EPHA4: variants seen among roughly 807,000 people sequenced by gnomAD.
The protein encoded by EPHA4 is ephrin type-A receptor 4.
Under a neutral mutation model 108.3 loss-of-function variants are expected in EPHA4, and 19 were observed. The observed-to-expected ratio is 0.18, with a 90% CI of 0.12 to 0.26. The LOEUF (loss-of-function observed/expected upper bound fraction) is 0.26, where lower values mean the gene tolerates loss of function less well. Among genes scored for constraint, EPHA4 ranks in the 10% least tolerant of loss-of-function variants. The pLI is 1.00. For missense variants in EPHA4, 917 were observed against 1,254.0 expected (o/e 0.73, Z 4.06); for synonymous variants, 449 against 455.5 (o/e 0.99, Z 0.18).
chr2:221,563,654 A>G, intron 3 of EPHA4, 77 bp downstream of exon 3: 2 of 1,513,846 alleles, frequency 1.3e-6, no homozygotes, highest in South Asian at 2.5e-5. Flanking sequence ...TACTGGCTTT[A>G]CTCCATTTAG....
chr2:221,470,644 T>TC, intron 5 of EPHA4, among the ~76,000 whole-genome samples: 12 of 151,542 alleles, frequency 7.9e-5, no homozygotes, highest in African/African-American at 1.2e-4. Flanking sequence ...TTAGGGAACC[T>TC]TTTTTATAAA....
chr2:221,455,792 C>T lies in EPHA4; in HGVS notation c.1604-134G>A. 3 of 673,482 alleles carry T rather than the reference C, an allele frequency of 4.5e-6. No homozygotes were observed. The South Asian group carries it at 5.8e-5, about 13-fold the overall frequency. The allele number at this position is 673,482 out of a possible 1,614,324, so 41.7% of individuals were successfully genotyped here. On this transcript the variant is annotated intron_variant, in intron 7 of 17. Coordinates refer to ENST00000281821, the MANE Select transcript of EPHA4 (RefSeq NM_004438.5). ...CACTTGAACATTTCAGAAAGGGCAG[C>T]AGTTTTGAATGTACCTCCTTCCCCG...
chr2:221,442,806 T>C, intron 11 of EPHA4, 23 bp downstream of exon 11: 1 of 1,611,578 alleles, frequency 6.2e-7, no homozygotes, highest in Non-Finnish European at 8.5e-7. Context: ...AGCTTGGCTT[T>C]GTAAAGGGGG....
intron 8 of EPHA4, among the ~76,000 whole-genome samples, chr2:221,447,802 A>C (rs745604324): frequency 7.7e-6 from 1 of 130,602 alleles, no homozygotes; most frequent in Non-Finnish European, 1.7e-5. Context: ...CTTTGCATTT[A>C]ACTTTTCAAA....
chr2:221,534,125 G>T (rs1331926686), intron 3 of EPHA4, among the ~76,000 whole-genome samples: 1 of 152,208 alleles, frequency 6.6e-6, no homozygotes, highest in Non-Finnish European at 1.5e-5. Context: ...TCTCTTGAAG[G>T]ATAACAGATG....
At chr2:221,427,453 T>A (rs1195249304) in intron 15 of EPHA4, among the ~76,000 whole-genome samples, 3 of 152,200 alleles carry the variant, frequency 2.0e-5, no homozygotes, top group Non-Finnish European at 4.4e-5. Context: ...TAAAAAATCA[T>A]TTACTAATAA....
intron 3 of EPHA4, among the ~76,000 whole-genome samples, chr2:221,531,747 T>C (rs1258659669): frequency 6.6e-6 from 1 of 152,208 alleles, no homozygotes; most frequent in Admixed American, 6.5e-5. Context: ...TTTCTATGTA[T>C]CTAGATATAG....
At chr2:221,432,818 ATT>A (rs34200694) in intron 14 of EPHA4, among the ~76,000 whole-genome samples, 161 of 89,082 alleles carry the variant, frequency 1.8e-3, no homozygotes, top group African/African-American at 6.5e-3. Flanking sequence ...AAATCTTTGT[ATT>A]TTTTTTTTTT....
intron 5 of EPHA4, among the ~76,000 whole-genome samples, chr2:221,473,390 T>C (rs1691551867): frequency 6.6e-6 from 1 of 152,090 alleles, no homozygotes; most frequent in Non-Finnish European, 1.5e-5. Context: ...TCTTATTGTA[T>C]ACCCACATCA....
Position 221,459,348 on chromosome 2 carries a change from A to G in EPHA4, c.1319-1358T>C, listed in dbSNP as rs149696351. Among the ~76,000 whole-genome samples, 1,022 of 150,140 alleles carry G rather than the reference A, an allele frequency of 6.8e-3. 12 individuals carry two copies. The highest frequency in any genetic ancestry group is 0.024 in the African/African-American group (973 of 40,738). ...TTTCCTCTCTCTCAGTCCCAAAGCT[A>G]TTCCAGATTGGATCTCAGGCAAAAA... On this transcript the variant is annotated intron_variant, in intron 5 of 17. Coordinates refer to ENST00000281821, the MANE Select transcript of EPHA4 (RefSeq NM_004438.5).
At chr2:221,534,822 A>C (rs1196525920) in intron 3 of EPHA4, among the ~76,000 whole-genome samples, 3 of 152,168 alleles carry the variant, frequency 2.0e-5, no homozygotes, top group Admixed American at 6.5e-5. Flanking sequence ...GGGGGAAAAA[A>C]GGTAAATAAC....
At chr2:221,552,467 C>T (rs1009849863) in intron 3 of EPHA4, among the ~76,000 whole-genome samples, 7 of 152,148 alleles carry the variant, frequency 4.6e-5, no homozygotes, top group Admixed American at 3.3e-4. Context: ...CTTGAAGCCT[C>T]CTGGCACCTC....
At chr2:221,471,352 C>T (rs537989422) in intron 5 of EPHA4, among the ~76,000 whole-genome samples, 135 of 152,080 alleles carry the variant, frequency 8.9e-4, no homozygotes, top group Non-Finnish European at 1.7e-3. Flanking sequence ...TAACTGGCTC[C>T]ACCCAAAGAA....
intron 4 of EPHA4, among the ~76,000 whole-genome samples, chr2:221,497,873 C>T (rs1365870121): frequency 6.6e-6 from 1 of 152,200 alleles, no homozygotes; most frequent in Non-Finnish European, 1.5e-5. Flanking sequence ...GCCTTCCTTC[C>T]CTTCACCTTG....
At chr2:221,482,280 T>A (rs1691842972) in intron 5 of EPHA4, 72 bp downstream of exon 5, 2 of 1,303,242 alleles carry the variant, frequency 1.5e-6, no homozygotes. Flanking sequence ...TAGCAATTTA[T>A]TATAATTCAT....
chr2:221,449,573 G>A (rs572787997), intron 8 of EPHA4, among the ~76,000 whole-genome samples: 2 of 152,336 alleles, frequency 1.3e-5, no homozygotes, highest in East Asian at 3.9e-4. Context: ...TTGAAAGAGT[G>A]TGAACTAAGC....
chr2:221,477,333 C>A (rs1691686634), intron 5 of EPHA4, among the ~76,000 whole-genome samples: 1 of 152,108 alleles, frequency 6.6e-6, no homozygotes, highest in Non-Finnish European at 1.5e-5. Flanking sequence ...GCTATGGAAC[C>A]CTGAAATGGT....
chr2:221,448,133 C>T (rs1047040842), intron 8 of EPHA4, among the ~76,000 whole-genome samples: 3 of 152,020 alleles, frequency 2.0e-5, no homozygotes, highest in Admixed American at 1.3e-4. Flanking sequence ...TGAACCACCG[C>T]ACCCAGCCAG....
At chr2:221,472,785 A>G (rs1371138179) in intron 5 of EPHA4, among the ~76,000 whole-genome samples, 1 of 152,226 alleles carries the variant, frequency 6.6e-6, no homozygotes, top group Non-Finnish European at 1.5e-5. Flanking sequence ...AATTTTACAC[A>G]TAAAGTATTT....
Sources: gnomAD v4.1 joint callset for allele counts (sites outside exome capture counted in the v4.1 genomes callset) on GRCh38, gnomAD v4.1.1 for gene constraint, MANE v1.5 for transcripts, NCBI Gene and HGNC (gene_info 2026-07-23, HGNC 2026-07-21) for gene names.